The following ZNF385D variants were observed in gnomAD, a reference collection of about 807,000 sequenced individuals.
The protein encoded by ZNF385D is zinc finger protein 659.
ZNF385D carries 15 observed loss-of-function variants against 35.8 expected under a neutral mutation model. The observed-to-expected ratio is 0.42, with a 90% confidence interval of 0.28 to 0.64. ZNF385D has a LOEUF of 0.64. Ranked by LOEUF, ZNF385D falls within the 30% of genes least tolerant of loss-of-function variation. The pLI is 0.23. For synonymous variants in ZNF385D, 212 were observed against 186.8 expected (o/e 1.13, Z -1.10); for missense variants, 474 against 494.6 (o/e 0.96, Z 0.39).
At chr3:22,247,599 A>G (rs1699851451) in intron 2 of ZNF385D, among the ~76,000 whole-genome samples, 1 of 149,042 alleles carries the variant, frequency 6.7e-6, no homozygotes, top group South Asian at 2.1e-4. Context: ...CTATTTATAT[A>G]CCAACCATTT....
chr3:22,191,435 C>A (rs973169606), intron 2 of ZNF385D, among the ~76,000 whole-genome samples: 1 of 149,428 alleles, frequency 6.7e-6, no homozygotes, highest in African/African-American at 2.5e-5. Flanking sequence ...TGCAGTGAGC[C>A]GAGATAGTAC....
chr3:21,497,283 T>A (rs2125425895), intron 4 of ZNF385D, among the ~76,000 whole-genome samples: 1 of 152,180 alleles, frequency 6.6e-6, no homozygotes, highest in African/African-American at 2.4e-5. Context: ...AAATGAAGAA[T>A]GCAATCCCAT....
intron 4 of ZNF385D, among the ~76,000 whole-genome samples, chr3:21,455,073 A>G (rs1181656278): frequency 1.3e-5 from 2 of 152,320 alleles, no homozygotes; most frequent in East Asian, 3.9e-4. Flanking sequence ...CCACTGCTCA[A>G]TGAAATAAAA....
intron 3 of ZNF385D, among the ~76,000 whole-genome samples, chr3:22,022,179 T>C (rs1399898881): frequency 6.6e-6 from 1 of 152,118 alleles, no homozygotes; most frequent in African/African-American, 2.4e-5. Flanking sequence ...CTCAGAAGGT[T>C]ACTGTAAAAA....
At chr3:22,199,279 C>G (rs1396926805) in intron 2 of ZNF385D, among the ~76,000 whole-genome samples, 3 of 152,072 alleles carry the variant, frequency 2.0e-5, no homozygotes, top group Non-Finnish European at 4.4e-5. Flanking sequence ...TTTTACATCT[C>G]AGATCAGAGA....
Position 22,165,043 on chromosome 3 carries a change from G to A in ZNF385D, c.325+3774C>T, listed in dbSNP as rs141122407. ...ATAGGCAGAGCACAGAGGACTTTTA[G>A]GGCAGCAAAACTATTCTGTATGATG... On this transcript the variant is annotated intron_variant, in intron 3 of 5. Transcript: ENST00000494108. 1.5e-3 allele frequency among the ~76,000 whole-genome samples: 229 copies of A among 152,306 alleles called. 1 individual carries two copies. The highest frequency in any genetic ancestry group is 5.0e-3 in the African/African-American group (208 of 41,576).
At chr3:22,104,580 T>C (rs541789212) in intron 3 of ZNF385D, among the ~76,000 whole-genome samples, 10 of 152,246 alleles carry the variant, frequency 6.6e-5, no homozygotes, top group African/African-American at 2.2e-4. Flanking sequence ...GATTTTTCAA[T>C]TCTTCATTTT....
At chr3:21,927,093 G>A (rs113745094) in intron 3 of ZNF385D, among the ~76,000 whole-genome samples, 3 of 152,092 alleles carry the variant, frequency 2.0e-5, no homozygotes, top group East Asian at 1.9e-4. Context: ...TCCCATGATA[G>A]CTTATTGTTT....
intron 3 of ZNF385D, among the ~76,000 whole-genome samples, chr3:21,790,114 T>C (rs1318620579): frequency 2.0e-5 from 3 of 152,030 alleles, no homozygotes; most frequent in African/African-American, 7.2e-5. Flanking sequence ...TGCTCATGGA[T>C]AAAAAGACTT....
intron 2 of ZNF385D, among the ~76,000 whole-genome samples, chr3:22,301,147 G>C (rs1426714067): frequency 1.3e-5 from 2 of 152,042 alleles, no homozygotes; most frequent in Non-Finnish European, 2.9e-5. Context: ...AGATGAACCT[G>C]GAGGTCGTTT....
rs549961341 is a variant in ZNF385D at position 22,037,037 on chromosome 3, G to A, written c.325+131780C>T. Among the ~76,000 whole-genome samples, 36 of 152,084 alleles carry A rather than the reference G, an allele frequency of 2.4e-4. No individual in the cohort carries two copies. In the East Asian group the frequency reaches 6.6e-3, roughly 28 times the overall value. On this transcript the variant is annotated intron_variant, in intron 3 of 5. Transcript: ENST00000494108. ...TTCATCCATATCCCAAAAAGAACAT[G>A]AAGTCATCATTTTTTATGGCTGCAT...
chr3:21,643,532 A>G (rs1184433391), intron 2 of ZNF385D, among the ~76,000 whole-genome samples: 1 of 152,102 alleles, frequency 6.6e-6, no homozygotes, highest in Non-Finnish European at 1.5e-5. Context: ...GGTAGGGGAG[A>G]TCTAAGCAAA....
chr3:21,566,695 T>G (rs1419915089), intron 2 of ZNF385D, among the ~76,000 whole-genome samples: 1 of 152,180 alleles, frequency 6.6e-6, no homozygotes, highest in Non-Finnish European at 1.5e-5. Flanking sequence ...CTGATTTTAT[T>G]TAGGTATTGT....
rs1424169213 is a variant in ZNF385D at position 21,473,781 on chromosome 3, T to C, written c.440-36578A>G. Among the ~76,000 whole-genome samples, 3 of 152,152 alleles carry C rather than the reference T, an allele frequency of 2.0e-5. No homozygotes were observed. In the East Asian group the frequency reaches 5.8e-4, roughly 29 times the overall value. On this transcript the variant is annotated intron_variant, in intron 4 of 7. Transcript: ENST00000281523. The stretch of plus-strand genomic sequence containing the variant: ...TGGAATCCTTCTTATATCTCTGTTC[T>C]TGACATAAATGTTAGCTGACCAGAG...
At chr3:21,569,461 C>T (rs2063258104) in intron 2 of ZNF385D, among the ~76,000 whole-genome samples, 2 of 150,968 alleles carry the variant, frequency 1.3e-5, no homozygotes, top group South Asian at 4.2e-4. Flanking sequence ...TGTGTCTCTG[C>T]ATGTGAGATG....
intron 2 of ZNF385D, among the ~76,000 whole-genome samples, chr3:22,232,471 T>C (rs1218442060): frequency 6.6e-6 from 1 of 152,148 alleles, no homozygotes; most frequent in Non-Finnish European, 1.5e-5. Context: ...ACACGTGCCA[T>C]GGTGGTTTGT....
intron 3 of ZNF385D, among the ~76,000 whole-genome samples, chr3:22,167,448 T>C (rs544583349): frequency 2.0e-5 from 3 of 152,322 alleles, no homozygotes; most frequent in South Asian, 2.1e-4. Context: ...AGGTGTTCCA[T>C]TGCTCAATAA....
chr3:21,473,295 G>T (rs760913559), intron 4 of ZNF385D, among the ~76,000 whole-genome samples: 1 of 151,912 alleles, frequency 6.6e-6, no homozygotes, highest in Non-Finnish European at 1.5e-5. Flanking sequence ...CCAAAGGTTG[G>T]AGAGCTAAAA....
Position 21,412,352 on chromosome 3 carries a change from A to G in ZNF385D, c.*8862T>C, listed in dbSNP as rs1426114317. 6 of 152,096 alleles carry G rather than the reference A, an allele frequency of 3.9e-5. No homozygotes were observed. Among genetic ancestry groups the G allele is most frequent in the African/African-American group, 1.4e-4 (6 of 41,432 alleles). 9.4% of individuals were successfully genotyped at this position (152,096 alleles called of 1,614,324 possible). On this transcript the variant is annotated 3_prime_UTR_variant, in exon 8 of 8. Transcript: ENST00000281523. ...AACAGTCGTGTTATATAGGTTTACC[A>G]TAACTCTCAGAACAGGAGTATATTA...
Sources: allele counts gnomAD v4.1 joint callset (sites outside exome capture counted in the v4.1 genomes callset), GRCh38; gene constraint gnomAD v4.1.1; transcripts MANE v1.5; gene names NCBI Gene and HGNC (gene_info 2026-07-23, HGNC 2026-07-21).